The following GEMIN4 variants were observed in gnomAD, a reference collection of about 807,000 sequenced individuals.
The protein encoded by GEMIN4 is gem-associated protein 4.
A neutral mutation model predicts 76.8 loss-of-function variants in GEMIN4; 59 were observed. The ratio of observed to expected loss-of-function variants is 0.77; its 90% CI spans 0.62 to 0.95. The LOEUF is 0.95. Among genes scored for constraint, GEMIN4 ranks in the 40% least tolerant of loss-of-function variants. The pLI is 0.00. For synonymous variants in GEMIN4, 562 were observed against 559.7 expected (o/e 1.00, Z -0.06); for missense variants, 1,311 against 1,318.9 (o/e 0.99, Z 0.09).
rs750048591 is a variant in GEMIN4, at chr17:747,881, G to C, written c.162C>G (p.Ser54=). 1.5e-5 allele frequency: 25 copies of C among 1,613,822 alleles called. No homozygotes were observed. Among genetic ancestry groups the C allele is most frequent in the Non-Finnish European group, 2.0e-5 (24 of 1,179,882 alleles). Residue 54 remains serine, a synonymous_variant, in exon 2 of 2, where the codon TCC becomes TCG. Transcript: ENST00000319004. The part of the protein sequence containing the change: ...RPIVEALREI[S]SAAAHSQPFA... ...AGGGCTGGGAGTGTGCTGCAGCCGA[G>C]GAGATCTCCCTTAAGGCCTCCACGA...
chr17:752,107 CGGGG>C (rs776072116), intron 1 of GEMIN4, 22 bp downstream of exon 1: 4 of 1,231,974 alleles, frequency 3.2e-6, no homozygotes, highest in Non-Finnish European at 4.1e-6. Context: ...GGACGCAGCC[CGGGG>C]CCGGGGAGCC....
upstream of GEMIN4, chr17:752,634 C>G (rs779803557): frequency 5.9e-6 from 6 of 1,011,852 alleles, no homozygotes; most frequent in East Asian, 5.1e-4. Flanking sequence ...TCAACGCGCT[C>G]CTGCCGCGCC....
At chr17:749,794 T>G in intron 1 of GEMIN4, 1 of 994,512 alleles carries the variant, frequency 1.0e-6, no homozygotes, top group Admixed American at 5.9e-5. Flanking sequence ...AAGCCCTGCC[T>G]TCACTCTTTA....
At position 746,297 on chromosome 17, in the gene GEMIN4, G is replaced by A; in HGVS notation, c.1746C>T (p.Leu582=). The A allele has an allele frequency of 1.2e-6, 2 of 1,613,802 alleles. No individual in the cohort carries two copies. The highest frequency in any genetic ancestry group is 1.7e-5 in the Admixed American group (1 of 60,016). ...CAAACCTAAGGGCAGGGAAGGCAGT[G>A]AGAATCTGGGCCAGGAACTTGTGGG... The part of the protein sequence containing the change: ...LGTHKFLAQI[L]TAFPALRFVE... The change falls in exon 2 of 2, where the codon CTC becomes CTT. Residue 582 remains leucine, a synonymous_variant. Coordinates refer to ENST00000319004, the MANE Select transcript of GEMIN4 (RefSeq NM_015721.3). The surrounding 1 kb of genome is among the most constrained non-coding windows in gnomAD (Gnocchi z 4.3).
At position 745,001 on chromosome 17, in the gene GEMIN4, A is replaced by G; in HGVS notation, c.3042T>C (p.Thr1014=). The part of the protein sequence containing the change: ...LALETLTCYE[T]LSKTNPSVSS... ...TGACAGAAGGGTTGGTCTTGCTCAAAGTCTCATAGCAGGTGAGGGTTTCCA... is the reference window on the plus strand; with the variant it reads ...TGACAGAAGGGTTGGTCTTGCTCAAGGTCTCATAGCAGGTGAGGGTTTCCA... Residue 1014 remains threonine, a synonymous_variant, in exon 2 of 2, where the codon ACT becomes ACC. Transcript: ENST00000319004. The surrounding 1 kb of genome is among the most constrained non-coding windows in gnomAD (Gnocchi z 4.6). The G allele has an allele frequency of 1.2e-6, 2 of 1,613,978 alleles. No homozygotes were observed. Among genetic ancestry groups the G allele is most frequent in the Non-Finnish European group, 1.7e-6 (2 of 1,179,908 alleles).
rs1198348582 is a variant in GEMIN4 at position 745,168 on chromosome 17, C to T, written c.2875G>A (p.Ala959Thr). Residue 959 changes from alanine to threonine, a missense_variant, in exon 2 of 2, where the codon GCA (alanine) becomes ACA (threonine). Ala to Thr is a moderately conservative substitution (Grantham distance 58). Coordinates refer to ENST00000319004, the MANE Select transcript of GEMIN4 (RefSeq NM_015721.3). The surrounding 1 kb of genome is among the most constrained non-coding windows in gnomAD (Gnocchi z 4.6). ...RLLDSVRAIQ[A>T]AGPWVQGPEQ... is the part of the protein sequence containing the mutation. ...GGTCCTTGAACCCAAGGGCCAGCTG[C>T]CTGTATCGCCCTGACTGAGTCCAGG... 1 of 1,605,202 alleles carries T rather than the reference C, an allele frequency of 6.2e-7. No homozygotes were observed.
At chr17:752,319 C>T (rs1904777499), upstream of GEMIN4, 2 of 1,220,306 alleles carry the variant, frequency 1.6e-6, no homozygotes, top group Non-Finnish European at 2.0e-6. Flanking sequence ...GCAGTCCTCA[C>T]GAACGAGCGC....
At chr17:748,125 G>C in intron 1 of GEMIN4, 93 bp from the exon 2 acceptor site, 4 of 962,958 alleles carry the variant, frequency 4.2e-6, no homozygotes, top group Non-Finnish European at 6.1e-6. Flanking sequence ...AGATGACAAG[G>C]GTTTTAAAGG....
chr17:746,407 C>T lies in GEMIN4; in HGVS notation c.1636G>A (p.Val546Met), dbSNP rs776878928. Residue 546 changes from valine (V) to methionine (M), a missense_variant, in exon 2 of 2, where the codon GTG becomes ATG. By Grantham distance (21) the Val-to-Met change is conservative (BLOSUM62 1). This residue lies in a region of GEMIN4 where 1,208 missense variants were observed against 1,166.9 expected (regional missense o/e 1.04). Transcript: ENST00000319004. The surrounding 1 kb of genome is among the most constrained non-coding windows in gnomAD (Gnocchi z 4.3). ...SASEQGLAKA[V>M]ASVARLVIVH... ...ATGACCAGGCGGGCCACGGAGGCCA[C>T]AGCTTTTGCCAAGCCCTGTTCGGAG... The T allele has an allele frequency of 1.4e-5, 23 of 1,613,840 alleles. No homozygotes were observed. The African/African-American group carries it at 2.7e-4, about 19-fold the overall frequency.
rs371774569 is a variant in GEMIN4, at chr17:745,037, G to A, written c.3006C>T (p.Tyr1002=). The change falls in exon 2 of 2, where the codon TAC becomes TAT. Residue 1002 remains tyrosine (Y), a synonymous_variant. Transcript: ENST00000319004. This position sits in a 1 kb window ranked among gnomAD's most constrained non-coding sequence, Gnocchi z 4.6. ...AGGTGAGGGTTTCCAAGGCTAAAAC[G>A]TAGAGTGGCTCACAGACCTCCGGGT... is the stretch of plus-strand genomic sequence containing the variant. ...MLHPEVCEPL[Y]VLALETLTCY... 161 of 1,613,876 alleles carry A rather than the reference G, an allele frequency of 1.0e-4. No homozygotes were observed. The highest frequency in any genetic ancestry group is 5.9e-4 in the African/African-American group (44 of 75,050).
At chr17:750,799 T>G (rs59580892) in intron 1 of GEMIN4, among the ~76,000 whole-genome samples, 29,369 of 152,162 alleles carry the variant, frequency 0.19, 3,306 homozygotes, top group Non-Finnish European at 0.26. Context: ...CTCAGCACTA[T>G]GTAACCCACT....
chr17:746,195 A>G lies in GEMIN4; in HGVS notation c.1848T>C (p.Ser616=). 6.2e-7 allele frequency: 1 copy of G among 1,613,854 alleles called. No homozygotes were observed. The highest frequency in any genetic ancestry group is 8.5e-7 in the Non-Finnish European group (1 of 1,179,890). The change falls in exon 2 of 2, where the codon TCT becomes TCC. Residue 616 remains serine, a synonymous_variant. Transcript: ENST00000319004. This position sits in a 1 kb window ranked among gnomAD's most constrained non-coding sequence, Gnocchi z 4.3. The part of the protein sequence containing the change: ...CLKETVWMKF[S]TPKEEKQFLE... ...AAAATTGCTTTTCTTCCTTGGGTGT[A>G]GAGAACTTCATCCAGACGGTTTCTT...
chr17:746,193 G>A lies in GEMIN4; in HGVS notation c.1850C>T (p.Thr617Ile), dbSNP rs373700715. ...LKETVWMKFS[T>I]PKEEKQFLEL... The stretch of plus-strand genomic sequence containing the variant: ...TAAAAATTGCTTTTCTTCCTTGGGT[G>A]TAGAGAACTTCATCCAGACGGTTTC... The change falls in exon 2 of 2, where the codon ACA becomes ATA. Residue 617 changes from threonine (T) to isoleucine (I), a missense_variant. By Grantham distance (89) the Thr-to-Ile change is moderately conservative. Around this residue, in one of 2 missense-constraint regions of GEMIN4, gnomAD observed 1,208 missense variants for 1,166.9 expected, o/e 1.04. Coordinates refer to ENST00000319004, the MANE Select transcript of GEMIN4 (RefSeq NM_015721.3). This position sits in a 1 kb window ranked among gnomAD's most constrained non-coding sequence, Gnocchi z 4.3. The A allele has an allele frequency of 2.5e-6, 4 of 1,613,744 alleles. No homozygotes were observed. In the African/African-American group the frequency reaches 5.3e-5, roughly 22 times the overall value.
At chr17:752,111 G>T in intron 1 of GEMIN4, 22 bp downstream of exon 1, 1 of 1,232,738 alleles carries the variant, frequency 8.1e-7, no homozygotes, top group Non-Finnish European at 1.0e-6. Context: ...GCAGCCCGGG[G>T]CCGGGGAGCC....
chr17:745,540 G>A lies in GEMIN4; in HGVS notation c.2503C>T (p.Leu835Phe). Reference sequence around the variant, plus strand: ...GGATTGCCCACGTCCACCACCAAGAGAGACAGCATCCTCTCCGAGATGCCG... The same window carrying A: ...GGATTGCCCACGTCCACCACCAAGAAAGACAGCATCCTCTCCGAGATGCCG... ...SSGISERMLS[L>F]LVVDVGNPEE... Residue 835 changes from leucine (L) to phenylalanine (F), a missense_variant, in exon 2 of 2, where the codon CTC becomes TTC. This residue lies in a region of GEMIN4 where 1,208 missense variants were observed against 1,166.9 expected (regional missense o/e 1.04). Coordinates refer to ENST00000319004, the MANE Select transcript of GEMIN4 (RefSeq NM_015721.3). This position sits in a 1 kb window ranked among gnomAD's most constrained non-coding sequence, Gnocchi z 4.6. 2 of 1,612,642 alleles carry A rather than the reference G, an allele frequency of 1.2e-6. No homozygotes were observed. The highest frequency in any genetic ancestry group is 8.5e-7 in the Non-Finnish European group (1 of 1,179,848).
rs1030770296 is a variant in GEMIN4, at chr17:744,767, C to T, written c.*99G>A. 2 of 1,333,640 alleles carry T rather than the reference C, an allele frequency of 1.5e-6. No homozygotes were observed. Among genetic ancestry groups the T allele is most frequent in the African/African-American group, 1.5e-5 (1 of 68,440 alleles). 82.6% of individuals were successfully genotyped at this position (1,333,640 alleles called of 1,614,324 possible). A position where few individuals can be genotyped will look rare whatever the true frequency, so the allele number is the denominator to read the frequency against. ...GCTGCTCGGGTCTGACCCCTACAGA[C>T]CTGCCATGTTGAAGCCCAGCTTTTT... On this transcript the variant is annotated 3_prime_UTR_variant, in exon 2 of 2. Coordinates refer to ENST00000319004, the MANE Select transcript of GEMIN4 (RefSeq NM_015721.3).
chr17:751,174 C>T (rs1247752589), intron 1 of GEMIN4, among the ~76,000 whole-genome samples: 1 of 152,216 alleles, frequency 6.6e-6, no homozygotes, highest in African/African-American at 2.4e-5. Flanking sequence ...ATGCCAGACA[C>T]TGTGCTAGGT....
intron 1 of GEMIN4, 32 bp from the exon 2 acceptor site, chr17:748,064 A>G: frequency 3.3e-6 from 5 of 1,523,316 alleles, no homozygotes; most frequent in Non-Finnish European, 4.4e-6. Flanking sequence ...AAGACAGTAT[A>G]GTGAAAATGT....
intron 1 of GEMIN4, among the ~76,000 whole-genome samples, chr17:751,379 T>G (rs1485096023): frequency 2.0e-5 from 3 of 152,044 alleles, no homozygotes; most frequent in Non-Finnish European, 4.4e-5. Flanking sequence ...TGAAAAGCTG[T>G]CTGGGGGCGG....
Sources: gnomAD v4.1 joint callset for allele counts (sites outside exome capture counted in the v4.1 genomes callset) on GRCh38, gnomAD v4.1.1 for gene constraint, gnomAD v4.1.1 regional missense constraint, Gnocchi (gnomAD v3.1) non-coding constraint, MANE v1.5 for transcripts, NCBI Gene and HGNC (gene_info 2026-07-23, HGNC 2026-07-21) for gene names.